Variants in THSD4 observed in about 807,000 individuals in gnomAD.
THSD4 encodes thrombospondin type 1 domain containing 4, also known as thrombospondin type-1 domain-containing protein 4.
THSD4 carries 69 observed loss-of-function variants against 119.0 expected under a neutral mutation model. The ratio of observed to expected loss-of-function variants is 0.58; its 90% confidence interval spans 0.48 to 0.71. The LOEUF is 0.71. Ranked by LOEUF, THSD4 falls within the 30% of genes least tolerant of loss-of-function variation. The pLI is 0.00. For synonymous variants in THSD4, 524 were observed against 540.4 expected, an observed-to-expected ratio of 0.97 and a Z score of 0.42; for missense variants, 1,393 against 1,391.1, an observed-to-expected ratio of 1.00 and a Z score of -0.02.
intron 6 of THSD4, among the ~76,000 whole-genome samples, chr15:71,263,757 G>A (rs1397076995): frequency 6.6e-6 from 1 of 152,170 alleles, no homozygotes; most frequent in Non-Finnish European, 1.5e-5. Context: ...ATTGGCCAAA[G>A]CAAGTCACAA....
chr15:71,113,872 ATTTTTAAGTG>A (rs2040326620), upstream of THSD4: 1 of 152,146 alleles, frequency 6.6e-6, no homozygotes, highest in Non-Finnish European at 1.5e-5. Context: ...CATTTTAACC[ATTTTTAAGTG>A]TATAATTCAG....
chr15:71,284,400 T>G (rs2140317517), intron 6 of THSD4, among the ~76,000 whole-genome samples: 1 of 152,292 alleles, frequency 6.6e-6, no homozygotes, highest in African/African-American at 2.4e-5. Context: ...TGTTGGGGCA[T>G]TCCACACAGG....
intron 7 of THSD4, among the ~76,000 whole-genome samples, chr15:71,465,764 A>G (rs936724275): frequency 1.3e-5 from 2 of 152,304 alleles, no homozygotes; most frequent in African/African-American, 4.8e-5. Context: ...AAAGCATGCA[A>G]TATCAGCTGG....
At chr15:71,677,579 G>A (rs897908238) in intron 8 of THSD4, among the ~76,000 whole-genome samples, 4 of 152,108 alleles carry the variant, frequency 2.6e-5, no homozygotes, top group Admixed American at 1.3e-4. Flanking sequence ...CTGTTTACAG[G>A]GACTTTCTTT....
intron 3 of THSD4, among the ~76,000 whole-genome samples, chr15:71,164,406 T>G (rs1165231977): frequency 1.3e-5 from 2 of 148,882 alleles, no homozygotes; most frequent in Non-Finnish European, 3.0e-5. Context: ...GGTATTCAGT[T>G]AACAGAACAA....
In THSD4 at chr15:71,154,914, C is replaced by T. The variant is rs1356026225; in HGVS notation, c.81C>T (p.Pro27=). The T allele has an allele frequency of 1.2e-6, 2 of 1,614,136 alleles. No individual in the cohort carries two copies. Among genetic ancestry groups the T allele is most frequent in the African/African-American group, 1.3e-5 (1 of 75,062 alleles). ...LLGFQFVCPQ[P]STQHRKVPQR... is the part of the protein sequence containing the mutation. ...GATTCCAGTTCGTCTGCCCACAGCCCTCCACTCAACACAGGAAGGTAAGCC... is the reference window on the plus strand; with the variant it reads ...GATTCCAGTTCGTCTGCCCACAGCCTTCCACTCAACACAGGAAGGTAAGCC... The change falls in exon 3 of 18, where the codon CCC becomes CCT. Residue 27 remains proline (P), a synonymous_variant. Transcript: ENST00000261862.
intron 3 of THSD4, among the ~76,000 whole-genome samples, chr15:71,200,584 G>A (rs1440222720): frequency 6.6e-6 from 1 of 152,172 alleles, no homozygotes; most frequent in Non-Finnish European, 1.5e-5. Context: ...AGTGCTCAAA[G>A]CCATTGTTCC....
intron 7 of THSD4, among the ~76,000 whole-genome samples, chr15:71,526,714 C>G (rs1435635584): frequency 6.6e-6 from 1 of 152,192 alleles, no homozygotes; most frequent in African/African-American, 2.4e-5. Context: ...TGATGTGAAT[C>G]CCTAGGGCTA....
intron 6 of THSD4, among the ~76,000 whole-genome samples, chr15:71,268,426 G>A (rs933965726): frequency 1.3e-5 from 2 of 152,170 alleles, no homozygotes; most frequent in Middle Eastern, 3.4e-3. Flanking sequence ...AAGACATAAC[G>A]TACCAGAATC....
At position 71,135,835 on chromosome 15, in the gene THSD4, C is replaced by A. The variant is rs185528618; in HGVS notation, c.-79-5614C>A. ...CTCCCAATAACTTCCTTGGCTTCCACCTCCATGCTTGCCCCTTCTCCTCCT... is the reference window on the plus strand; with the variant it reads ...CTCCCAATAACTTCCTTGGCTTCCAACTCCATGCTTGCCCCTTCTCCTCCT... On this transcript the variant is annotated intron_variant, in intron 1 of 17. Transcript: ENST00000261862. Among the ~76,000 whole-genome samples, 16 of 152,210 alleles carry A rather than the reference C, an allele frequency of 1.1e-4. No homozygotes were observed. The East Asian group carries it at 3.1e-3, about 30-fold the overall frequency.
At chr15:71,496,995 C>T (rs942336216) in intron 7 of THSD4, among the ~76,000 whole-genome samples, 2 of 152,152 alleles carry the variant, frequency 1.3e-5, no homozygotes, top group Non-Finnish European at 2.9e-5. Flanking sequence ...AATACATGAA[C>T]ACTGGGCATG....
At chr15:71,153,051 C>T (rs2040740285) in intron 2 of THSD4, among the ~76,000 whole-genome samples, 1 of 152,192 alleles carries the variant, frequency 6.6e-6, no homozygotes, top group South Asian at 2.1e-4. Flanking sequence ...AGCCCTCTCT[C>T]CAGTCTTCCC....
At chr15:71,533,250 A>G (rs2140820003) in intron 7 of THSD4, among the ~76,000 whole-genome samples, 1 of 152,348 alleles carries the variant, frequency 6.6e-6, no homozygotes. Flanking sequence ...ACTAGGAAAT[A>G]TAGATTTGCA....
chr15:71,383,845 G>A (rs2140456599), intron 6 of THSD4, among the ~76,000 whole-genome samples: 2 of 152,294 alleles, frequency 1.3e-5, no homozygotes, highest in East Asian at 3.9e-4. Context: ...ATGTAGAAAT[G>A]ATTTCAAGTA....
At position 71,728,899 on chromosome 15, in the gene THSD4, G is replaced by C. The variant is rs966144403; in HGVS notation, c.1533+175G>C. On this transcript the variant is annotated intron_variant, in intron 9 of 17. Transcript: ENST00000261862. ...GGCGTTCATCTTTGCCTTTACTTCT[G>C]AATGGGCCCAGCTCACAGCAACCTC... The C allele has an allele frequency of 6.4e-6, 5 of 785,926 alleles. No homozygotes were observed. In the African/African-American group the frequency reaches 6.9e-5, roughly 11 times the overall value. The allele number at this position is 785,926 out of a possible 1,614,324, so 48.7% of individuals were successfully genotyped here.
At chr15:71,664,857 G>T (rs955025909) in intron 8 of THSD4, among the ~76,000 whole-genome samples, 2 of 152,158 alleles carry the variant, frequency 1.3e-5, no homozygotes, top group African/African-American at 4.8e-5. Context: ...CTATTCCATG[G>T]TGTATATGTA....
chr15:71,703,168 A>G (rs998052013), intron 8 of THSD4, among the ~76,000 whole-genome samples: 8 of 151,852 alleles, frequency 5.3e-5, no homozygotes, highest in Non-Finnish European at 8.8e-5. Context: ...AGAGACAGAG[A>G]TTTGCCATGT....
At chr15:71,433,322 AT>A (rs1324237446) in intron 7 of THSD4, among the ~76,000 whole-genome samples, 6 of 151,198 alleles carry the variant, frequency 4.0e-5, no homozygotes, top group Admixed American at 4.0e-4. Context: ...TACTGAAAAG[AT>A]TTTTTTGAAC....
chr15:71,493,763 C>T (rs373854359), intron 7 of THSD4, among the ~76,000 whole-genome samples: 3 of 152,216 alleles, frequency 2.0e-5, no homozygotes, highest in South Asian at 4.1e-4. Context: ...CTTGCCACTC[C>T]GCTAGACACT....
Sources: allele counts gnomAD v4.1 joint callset (sites outside exome capture counted in the v4.1 genomes callset), GRCh38; gene constraint gnomAD v4.1.1; transcripts MANE v1.5; gene names NCBI Gene and HGNC (gene_info 2026-07-23, HGNC 2026-07-21).